Variants in SAMD5 observed in about 807,000 individuals in gnomAD.
SAMD5 encodes the protein sterile alpha motif domain-containing protein 5.
In SAMD5, 13 loss-of-function variants were observed where a neutral mutation model predicts 11.3. The ratio of observed to expected loss-of-function variants is 1.15; its 90% CI spans 0.75 to 1.83. The LOEUF (loss-of-function observed/expected upper bound fraction) is 1.83, where lower values mean the gene tolerates loss of function less well. SAMD5 is among the 40% of genes most tolerant of loss of function. SAMD5 has a pLI of 0.00. For synonymous variants in SAMD5, 129 were observed against 111.3 expected, an observed-to-expected ratio of 1.16 and a Z score of -1.00; for missense variants, 255 against 239.1, an observed-to-expected ratio of 1.07 and a Z score of -0.44.
At chr6:147,611,964 T>C (rs1789793946) in intron 1 of SAMD5, among the ~76,000 whole-genome samples, 1 of 152,216 alleles carries the variant, frequency 6.6e-6, no homozygotes, top group Non-Finnish European at 1.5e-5. Flanking sequence ...TGTAGGTACT[T>C]GCTAGAGTGC....
intron 1 of SAMD5, among the ~76,000 whole-genome samples, chr6:147,672,056 AGTTTTCCAACCAGGAACATG>A (rs1193922004): frequency 2.0e-5 from 3 of 151,960 alleles, no homozygotes; most frequent in Non-Finnish European, 2.9e-5. Context: ...TACAATATTG[AGTTTTCCAACCAGGAACATG>A]GTTAACCTCT....
chr6:147,693,000 T>C (rs576198711), intron 1 of SAMD5, among the ~76,000 whole-genome samples: 12 of 152,116 alleles, frequency 7.9e-5, no homozygotes, highest in Non-Finnish European at 1.5e-4. Flanking sequence ...AGAGCTTCAT[T>C]TGGTTTTTAA....
chr6:147,549,999 C>A (rs2128442959), intron 1 of SAMD5, among the ~76,000 whole-genome samples: 1 of 151,160 alleles, frequency 6.6e-6, no homozygotes, highest in Non-Finnish European at 1.5e-5. Flanking sequence ...AATCCCCACA[C>A]TGGGGGAGGC....
At chr6:147,727,896 A>G (rs1032218767) in intron 1 of SAMD5, among the ~76,000 whole-genome samples, 1 of 152,210 alleles carries the variant, frequency 6.6e-6, no homozygotes, top group Admixed American at 6.5e-5. Flanking sequence ...TAGGGAATCA[A>G]TGCATTATTT....
the SAMD5 span, among the ~76,000 whole-genome samples, chr6:147,806,291 C>T: frequency 8.2e-5 from 11 of 134,390 alleles, no homozygotes; most frequent in Non-Finnish European, 1.1e-4. Context: ...ACTTCAAAAA[C>T]GAGTGTGCGC....
the SAMD5 span, among the ~76,000 whole-genome samples, chr6:147,781,917 AG>A: frequency 2.0e-5 from 3 of 152,004 alleles, no homozygotes; most frequent in Non-Finnish European, 2.9e-5. Flanking sequence ...GATATCAAAA[AG>A]GAATTAAAGG....
chr6:147,948,906 T>C, the SAMD5 span, among the ~76,000 whole-genome samples: 2 of 152,150 alleles, frequency 1.3e-5, no homozygotes, highest in Non-Finnish European at 2.9e-5. Context: ...CCATATGGGA[T>C]TTTGACCCCA....
At chr6:147,822,185 G>A in the SAMD5 span, among the ~76,000 whole-genome samples, 4 of 152,116 alleles carry the variant, frequency 2.6e-5, no homozygotes, top group Non-Finnish European at 1.5e-5. Flanking sequence ...TTATTGTAAT[G>A]TGACAGGTGA....
chr6:147,644,321 A>T (rs730863), intron 1 of SAMD5, among the ~76,000 whole-genome samples: 13,563 of 152,242 alleles, frequency 0.089, 908 homozygotes, highest in East Asian at 0.27. Context: ...TTGGGAGTGG[A>T]CCTGGGAAAT....
chr6:147,624,062 G>A lies in SAMD5; in HGVS notation c.163-113255G>A, dbSNP rs796456886. Among the ~76,000 whole-genome samples, 6 of 152,158 alleles carry A rather than the reference G, an allele frequency of 3.9e-5. 1 individual carries two copies. Among genetic ancestry groups the A allele is most frequent in the African/African-American group, 1.4e-4 (6 of 41,516 alleles). On this transcript the variant is annotated intron_variant, in intron 1 of 1. Transcript: ENST00000566741. ...TTTTTGTATTTTTAGTAGAAACGGG[G>A]TTTTGCCATGTTGGCCAGACTGCTC...
chr6:147,828,163 G>A, the SAMD5 span, among the ~76,000 whole-genome samples: 1 of 152,154 alleles, frequency 6.6e-6, no homozygotes, highest in East Asian at 1.9e-4. Flanking sequence ...ATATAGTTAT[G>A]AGAGTGTTAA....
intron 1 of SAMD5, among the ~76,000 whole-genome samples, chr6:147,673,902 G>C (rs943097834): frequency 2.0e-5 from 3 of 152,010 alleles, no homozygotes; most frequent in African/African-American, 7.2e-5. Flanking sequence ...AAGGATAATG[G>C]GTTAGAGGTC....
At chr6:147,780,191 G>A in the SAMD5 span, among the ~76,000 whole-genome samples, 1 of 151,582 alleles carries the variant, frequency 6.6e-6, no homozygotes. Flanking sequence ...TTCCATCAAT[G>A]TATAACTTAA....
At chr6:147,792,002 T>G in the SAMD5 span, among the ~76,000 whole-genome samples, 1 of 152,264 alleles carries the variant, frequency 6.6e-6, no homozygotes, top group East Asian at 1.9e-4. Flanking sequence ...ATACTGTATA[T>G]GACATGCATT....
chr6:147,750,107 T>G, the SAMD5 span, among the ~76,000 whole-genome samples: 1 of 152,318 alleles, frequency 6.6e-6, no homozygotes, highest in South Asian at 2.1e-4. Context: ...GACATAGAAT[T>G]ATGTGTTTTA....
chr6:147,825,291 C>T, the SAMD5 span, among the ~76,000 whole-genome samples: 1 of 151,928 alleles, frequency 6.6e-6, no homozygotes. Flanking sequence ...AGTGAGACTC[C>T]GTCTCAAAAA....
intron 1 of SAMD5, among the ~76,000 whole-genome samples, chr6:147,545,792 C>T (rs1005717504): frequency 6.6e-6 from 1 of 151,990 alleles, no homozygotes; most frequent in Non-Finnish European, 1.5e-5. Flanking sequence ...AGGTTATATA[C>T]CTTTCTTTAT....
chr6:147,533,076 G>A (rs926632109), intron 1 of SAMD5, among the ~76,000 whole-genome samples: 1 of 152,078 alleles, frequency 6.6e-6, no homozygotes, highest in Non-Finnish European at 1.5e-5. Context: ...TCAGGCCTTG[G>A]GTTGGGAAGG....
chr6:147,916,527 G>C, the SAMD5 span, among the ~76,000 whole-genome samples: 1 of 151,970 alleles, frequency 6.6e-6, no homozygotes, highest in South Asian at 2.1e-4. Flanking sequence ...TTTTTCATAT[G>C]TCTGTTGGCT....
Sources: gnomAD v4.1 joint callset for allele counts (sites outside exome capture counted in the v4.1 genomes callset) on GRCh38, gnomAD v4.1.1 for gene constraint, MANE v1.5 for transcripts, NCBI Gene and HGNC (gene_info 2026-07-23, HGNC 2026-07-21) for gene names.